Variants in CHODL observed in about 807,000 individuals in gnomAD.
CHODL encodes the protein chondrolectin, also known as transmembrane protein MT75.
A neutral mutation model predicts 34.5 loss-of-function variants in CHODL; 29 were observed. The ratio of observed to expected loss-of-function variants is 0.84; its 90% CI spans 0.63 to 1.15. The LOEUF is 1.15. CHODL is among the 50% of genes most tolerant of loss of function. The pLI is 0.00. For synonymous variants in CHODL, 125 were observed against 116.1 expected (o/e 1.08, Z -0.49); for missense variants, 332 against 332.5 (o/e 1.00, Z 0.01).
chr21:18,220,943 A>G (rs1197266002), intron 2 of CHODL, among the ~76,000 whole-genome samples: 1 of 151,978 alleles, frequency 6.6e-6, no homozygotes, highest in Non-Finnish European at 1.5e-5. Context: ...CTCTTGCAAG[A>G]CTTATGAAGT....
In CHODL at chr21:17,972,095, A is replaced by G. The variant is rs137917378; in HGVS notation, c.-145+54695A>G. 2.4e-3 allele frequency among the ~76,000 whole-genome samples: 363 copies of G among 152,228 alleles called. 4 individuals are homozygous for G. The highest frequency in any genetic ancestry group is 8.5e-3 in the African/African-American group (355 of 41,558). Reference sequence around the variant, plus strand: ...ATCTCAATAGATGCAGAAAAATTCAACACCCCTTCATGCTAAAAACTCTCA... The same window carrying G: ...ATCTCAATAGATGCAGAAAAATTCAGCACCCCTTCATGCTAAAAACTCTCA... On this transcript the variant is annotated intron_variant, in intron 1 of 6. Transcript: ENST00000400127.
At chr21:18,159,958 C>T (rs2073076956) in intron 2 of CHODL, among the ~76,000 whole-genome samples, 1 of 152,190 alleles carries the variant, frequency 6.6e-6, no homozygotes, top group African/African-American at 2.4e-5. Flanking sequence ...TTTGCTAACA[C>T]TTTGCTTTTA....
At chr21:18,151,097 A>AG (rs57704471) in intron 2 of CHODL, among the ~76,000 whole-genome samples, 14,268 of 149,862 alleles carry the variant, frequency 0.095, 940 homozygotes, top group East Asian at 0.24. Flanking sequence ...AAAAAAAAAA[A>AG]AAAAAAAAGA....
intron 2 of CHODL, among the ~76,000 whole-genome samples, chr21:18,172,656 T>A (rs942979084): frequency 1.3e-5 from 2 of 152,176 alleles, no homozygotes; most frequent in Admixed American, 1.3e-4. Context: ...TTCTGACAAT[T>A]TTTACTAGTG....
At chr21:17,954,116 T>A (rs989290275) in intron 1 of CHODL, among the ~76,000 whole-genome samples, 5 of 151,920 alleles carry the variant, frequency 3.3e-5, no homozygotes, top group African/African-American at 7.3e-5. Flanking sequence ...AAGAAAAAAA[T>A]TTGTGTTGTG....
chr21:18,133,083 T>TA (rs139879297), intron 2 of CHODL, among the ~76,000 whole-genome samples: 10,409 of 151,224 alleles, frequency 0.069, 388 homozygotes, highest in Middle Eastern at 0.12. Context: ...TCCATAATAA[T>TA]AAAAAAAAAG....
rs560726712 is a variant in CHODL at position 18,116,952 on chromosome 21, C to T, written c.-45+88981C>T. On this transcript the variant is annotated intron_variant, in intron 2 of 6. Transcript: ENST00000400127. ...GAAGCCAGGCCAGGTTACTCCATTG[C>T]GCCCACATTTTTGTAGATAGCCAGA... Among the ~76,000 whole-genome samples the T allele has an allele frequency of 7.2e-5, 11 of 152,256 alleles. No individual in the cohort carries two copies. The South Asian group carries it at 8.3e-4, about 11-fold the overall frequency.
At chr21:18,245,426 G>C (rs984979780) in intron 1 of CHODL, 124 bp downstream of exon 1, 51 of 696,716 alleles carry the variant, frequency 7.3e-5, no homozygotes, top group Non-Finnish European at 4.3e-5. Flanking sequence ...TAAGGACCCG[G>C]GAGGAGGCGG....
chr21:18,221,565 A>G (rs940087203), intron 2 of CHODL, among the ~76,000 whole-genome samples: 1 of 152,198 alleles, frequency 6.6e-6, no homozygotes, highest in African/African-American at 2.4e-5. Context: ...AATCATCTCA[A>G]TTAGATAGAA....
chr21:17,971,110 C>T (rs1315282193), intron 1 of CHODL, among the ~76,000 whole-genome samples: 2 of 152,178 alleles, frequency 1.3e-5, no homozygotes, highest in Non-Finnish European at 2.9e-5. Flanking sequence ...GTATGTGTCA[C>T]ATTTTCTTTA....
chr21:18,193,026 T>C (rs1351166645), intron 2 of CHODL, among the ~76,000 whole-genome samples: 1 of 152,148 alleles, frequency 6.6e-6, no homozygotes, highest in Non-Finnish European at 1.5e-5. Flanking sequence ...TAGTAGCAAA[T>C]TGTGGTGAGA....
intron 1 of CHODL, among the ~76,000 whole-genome samples, chr21:18,011,265 C>T (rs577922396): frequency 3.4e-4 from 49 of 144,908 alleles, no homozygotes; most frequent in African/African-American, 1.3e-3. Context: ...AGAAAAAAGT[C>T]GAACATTACT....
intron 1 of CHODL, among the ~76,000 whole-genome samples, chr21:18,019,940 C>T (rs1568847089): frequency 6.6e-6 from 1 of 152,070 alleles, no homozygotes; most frequent in South Asian, 2.1e-4. Context: ...CATTTACCCA[C>T]ATTCTATTGA....
chr21:18,067,395 T>A (rs1025408590), intron 2 of CHODL, among the ~76,000 whole-genome samples: 1 of 152,162 alleles, frequency 6.6e-6, no homozygotes, highest in African/African-American at 2.4e-5. Context: ...GAAATTTGAA[T>A]GTAGACATGT....
At chr21:18,028,900 A>G (rs190093982) in intron 2 of CHODL, among the ~76,000 whole-genome samples, 176 of 152,242 alleles carry the variant, frequency 1.2e-3, no homozygotes, top group Admixed American at 2.8e-3. Flanking sequence ...AATAGCTGGC[A>G]TACCTATTTT....
chr21:17,975,995 A>G (rs547164938), intron 1 of CHODL, among the ~76,000 whole-genome samples: 43 of 152,314 alleles, frequency 2.8e-4, no homozygotes, highest in African/African-American at 8.9e-4. Context: ...CACAAAGACT[A>G]TATGCTATAT....
chr21:18,249,755 G>C (rs1193633848), intron 1 of CHODL, among the ~76,000 whole-genome samples: 1 of 152,164 alleles, frequency 6.6e-6, no homozygotes, highest in South Asian at 2.1e-4. Flanking sequence ...CTTGTGAGCT[G>C]TGTGAACTGC....
At chr21:17,938,903 GT>G (rs1276595148) in intron 1 of CHODL, among the ~76,000 whole-genome samples, 2 of 151,910 alleles carry the variant, frequency 1.3e-5, no homozygotes, top group Non-Finnish European at 2.9e-5. Context: ...TTTCTATCCT[GT>G]CTAATCTTGT....
intron 1 of CHODL, among the ~76,000 whole-genome samples, chr21:17,966,890 GC>G (rs963455880): frequency 1.4e-4 from 20 of 140,512 alleles, no homozygotes; most frequent in African/African-American, 5.1e-4. Flanking sequence ...ATTTTCCTGA[GC>G]TTTTTTTTTT....
Sources: gnomAD v4.1 joint callset for allele counts (sites outside exome capture counted in the v4.1 genomes callset) on GRCh38, gnomAD v4.1.1 for gene constraint, MANE v1.5 for transcripts, NCBI Gene and HGNC (gene_info 2026-07-23, HGNC 2026-07-21) for gene names.